CENPP: variants seen among roughly 807,000 people sequenced by gnomAD.
CENPP encodes the protein centromere protein P.
CENPP carries 24 observed loss-of-function variants against 35.6 expected under a neutral mutation model. That is an observed-to-expected ratio of 0.67 (90% CI 0.49 to 0.95). CENPP has a LOEUF of 0.95. Ranked by LOEUF, CENPP falls within the 40% of genes least tolerant of loss-of-function variation. CENPP has a pLI of 0.00. For synonymous variants in CENPP, 120 were observed against 125.5 expected, an observed-to-expected ratio of 0.96 and a Z score of 0.29; for missense variants, 332 against 345.3, an observed-to-expected ratio of 0.96 and a Z score of 0.31.
intron 5 of CENPP, chr9:92,470,656 G>A (rs761488471): frequency 1.1e-5 from 14 of 1,295,806 alleles, no homozygotes; most frequent in African/African-American, 1.5e-5. Flanking sequence ...AAAGTATGAG[G>A]ATATATTCTT....
chr9:92,396,957 T>A (rs897112711), intron 5 of CENPP, among the ~76,000 whole-genome samples: 2 of 151,822 alleles, frequency 1.3e-5, no homozygotes, highest in Admixed American at 6.6e-5. Context: ...AGGTGGATCA[T>A]TTGAGTCTAG....
At chr9:92,385,415 A>G (rs1358529240) in intron 5 of CENPP, 6 of 492,336 alleles carry the variant, frequency 1.2e-5, no homozygotes, top group East Asian at 6.7e-5. Flanking sequence ...AAATATTTTC[A>G]TATTACTTTG....
At chr9:92,543,486 A>G (rs1012514184) in intron 5 of CENPP, among the ~76,000 whole-genome samples, 13 of 151,108 alleles carry the variant, frequency 8.6e-5, no homozygotes, top group Admixed American at 3.3e-4. Context: ...AAAAAAAAAA[A>G]AAAAAAAAAA....
At chr9:92,436,691 C>T (rs1844253210) in intron 5 of CENPP, among the ~76,000 whole-genome samples, 3 of 152,112 alleles carry the variant, frequency 2.0e-5, no homozygotes, top group Admixed American at 6.6e-5. Flanking sequence ...CAATTGTCTG[C>T]ACTTAATGCT....
At chr9:92,377,780 G>A (rs1376938540) in intron 4 of CENPP, among the ~76,000 whole-genome samples, 5 of 152,072 alleles carry the variant, frequency 3.3e-5, no homozygotes, top group African/African-American at 9.7e-5. Context: ...ATCCTATTGT[G>A]GTCTGCCCTA....
intron 5 of CENPP, among the ~76,000 whole-genome samples, chr9:92,603,909 C>G (rs1294453977): frequency 6.6e-6 from 1 of 152,210 alleles, no homozygotes; most frequent in African/African-American, 2.4e-5. Flanking sequence ...TGGCCCTGCC[C>G]TGCTCCGAAC....
At chr9:92,604,341 G>A (rs775010754) in intron 5 of CENPP, among the ~76,000 whole-genome samples, 8 of 152,152 alleles carry the variant, frequency 5.3e-5, no homozygotes, top group East Asian at 1.9e-4. Flanking sequence ...CAAAAGATAC[G>A]TCACTAGTTT....
At chr9:92,403,199 TTTTAGAAGCTAAA>T (rs1799678914) in intron 5 of CENPP, 1 of 1,427,330 alleles carries the variant, frequency 7.0e-7, no homozygotes, top group Non-Finnish European at 9.6e-7. Flanking sequence ...ATGGGCAGTA[TTTTAGAAGCTAAA>T]TTTAGAATAG....
Position 92,552,162 on chromosome 9 carries a change from ATATATGTGATATGATAGATCTAT to A in CENPP, c.565-59151_565-59129del, listed in dbSNP as rs1849626420. On this transcript the variant is annotated intron_variant, in intron 5 of 7. Transcript: ENST00000375587. ...ATATGTGATATGATAGATCTATCAT[ATATATGTGATATGATAGATCTAT>A]CATATACACACACACACACACACAC... 7.9e-5 allele frequency among the ~76,000 whole-genome samples: 11 copies of A among 138,536 alleles called. 1 individual carries two copies. Among genetic ancestry groups the A allele is most frequent in the African/African-American group, 2.1e-4 (7 of 33,950 alleles). The allele number at this position is 138,536 out of a possible 152,430, so 90.9% of individuals were successfully genotyped here. A position where few individuals can be genotyped will look rare whatever the true frequency, so the allele number is the denominator to read the frequency against.
intron 5 of CENPP, chr9:92,517,703 C>A (rs968040): frequency 0.29 from 460,197 of 1,613,714 alleles, 73,838 homozygotes; most frequent in African/African-American, 0.68. Flanking sequence ...CGGAGCAGAC[C>A]GGGCAGCATT....
rs552097209 is a variant in CENPP, at chr9:92,550,514, T to A, written c.565-60800T>A. ...GAGAATTAAAATAAACTGTAAGATATGACAATTGATATAACAAGTTTTCTT... is the reference window on the plus strand; with the variant it reads ...GAGAATTAAAATAAACTGTAAGATAAGACAATTGATATAACAAGTTTTCTT... On this transcript the variant is annotated intron_variant, in intron 5 of 7. Coordinates refer to ENST00000375587, the MANE Select transcript of CENPP (RefSeq NM_001012267.3). Among the ~76,000 whole-genome samples the A allele has an allele frequency of 4.6e-5, 7 of 152,250 alleles. No individual in the cohort carries two copies. The South Asian group carries it at 1.5e-3, about 32-fold the overall frequency.
intron 5 of CENPP, among the ~76,000 whole-genome samples, chr9:92,425,095 A>T (rs1020269700): frequency 6.6e-6 from 1 of 152,240 alleles, no homozygotes; most frequent in African/African-American, 2.4e-5. Context: ...GTTTATTTTT[A>T]AAATGCACTT....
At chr9:92,482,860 T>C (rs2131106081) in intron 5 of CENPP, among the ~76,000 whole-genome samples, 1 of 152,328 alleles carries the variant, frequency 6.6e-6, no homozygotes, top group South Asian at 2.1e-4. Flanking sequence ...AACCATACTT[T>C]TTTTTTCTTC....
rs576307319 is a variant in CENPP at position 92,372,622 on chromosome 9, T to C, written c.468-7141T>C. ...CCTTGAGCATTTCTTCTAGGGATGGTCTTGTGGTAATGAATTCTTTTAGCA... is the reference window on the plus strand; with the variant it reads ...CCTTGAGCATTTCTTCTAGGGATGGCCTTGTGGTAATGAATTCTTTTAGCA... On this transcript the variant is annotated intron_variant, in intron 4 of 7. Coordinates refer to ENST00000375587, the MANE Select transcript of CENPP (RefSeq NM_001012267.3). Among the ~76,000 whole-genome samples, 10 of 152,314 alleles carry C rather than the reference T, an allele frequency of 6.6e-5. No individual in the cohort carries two copies. In the East Asian group the frequency reaches 1.9e-3, roughly 29 times the overall value.
At chr9:92,503,627 A>G (rs1319974366) in intron 5 of CENPP, among the ~76,000 whole-genome samples, 1 of 152,254 alleles carries the variant, frequency 6.6e-6, no homozygotes. Flanking sequence ...TCTGCATTAT[A>G]AAAATTCTCC....
chr9:92,462,491 A>G (rs567463701), intron 5 of CENPP, among the ~76,000 whole-genome samples: 1 of 152,262 alleles, frequency 6.6e-6, no homozygotes, highest in East Asian at 1.9e-4. Flanking sequence ...ACAAAGTATT[A>G]TTTGTCAACC....
intron 5 of CENPP, among the ~76,000 whole-genome samples, chr9:92,487,340 G>A (rs1253328551): frequency 6.6e-6 from 1 of 152,210 alleles, no homozygotes; most frequent in Non-Finnish European, 1.5e-5. Context: ...ACCAAGAAGT[G>A]TGAAAGTTTG....
chr9:92,533,323 AAAAAAAT>A (rs1848949341), intron 5 of CENPP, among the ~76,000 whole-genome samples: 3 of 99,096 alleles, frequency 3.0e-5, no homozygotes, highest in South Asian at 3.6e-4. Context: ...AAAAAAAAAA[AAAAAAAT>A]ATATATATAT....
At chr9:92,609,000 G>A (rs562090957) in intron 5 of CENPP, among the ~76,000 whole-genome samples, 5 of 152,364 alleles carry the variant, frequency 3.3e-5, no homozygotes, top group East Asian at 1.9e-4. Flanking sequence ...TGCTGCCGCT[G>A]AGCCAGCCTG....
Sources: gnomAD v4.1 joint callset for allele counts (sites outside exome capture counted in the v4.1 genomes callset) on GRCh38, gnomAD v4.1.1 for gene constraint, MANE v1.5 for transcripts, NCBI Gene and HGNC (gene_info 2026-07-23, HGNC 2026-07-21) for gene names.